Variants in PHLDB2 observed in about 807,000 individuals in gnomAD.
PHLDB2 encodes the protein pleckstrin homology-like domain family B member 2.
PHLDB2 carries 71 observed loss-of-function variants against 123.6 expected under a neutral mutation model. The observed-to-expected ratio is 0.57, with a 90% CI of 0.47 to 0.70. The LOEUF is 0.70. Ranked by LOEUF, PHLDB2 falls within the 30% of genes least tolerant of loss-of-function variation. PHLDB2 has a pLI of 0.00. For missense variants in PHLDB2, 1,446 were observed against 1,519.5 expected (o/e 0.95, Z 0.80); for synonymous variants, 547 against 541.6 (o/e 1.01, Z -0.14).
chr3:111,923,378 A>G (rs1370551170), intron 5 of PHLDB2, among the ~76,000 whole-genome samples: 1 of 151,654 alleles, frequency 6.6e-6, no homozygotes, highest in Non-Finnish European at 1.5e-5. Context: ...TTTTCCATCT[A>G]TTTCTCTTAC....
At chr3:111,732,539 G>A (rs1283549505) in exon 1 of PHLDB2, 1 of 1,300,744 alleles carries the variant, frequency 7.7e-7, no homozygotes. Flanking sequence ...GAAAGGAAAT[G>A]GAAAGGAACC....
chr3:111,789,611 A>C (rs2060829028), intron 1 of PHLDB2, among the ~76,000 whole-genome samples: 2 of 152,110 alleles, frequency 1.3e-5, no homozygotes, highest in Admixed American at 1.3e-4. Flanking sequence ...AAGTTATTTG[A>C]CTTTTCTGAA....
At chr3:111,929,019 T>C (rs2068960059) in intron 5 of PHLDB2, among the ~76,000 whole-genome samples, 1 of 152,200 alleles carries the variant, frequency 6.6e-6, no homozygotes, top group Non-Finnish European at 1.5e-5. Flanking sequence ...CCCAGCACTT[T>C]AGGAGGCCGA....
At chr3:111,830,614 C>T (rs1183310753) in intron 1 of PHLDB2, among the ~76,000 whole-genome samples, 1 of 149,216 alleles carries the variant, frequency 6.7e-6, no homozygotes, top group Non-Finnish European at 1.5e-5. Context: ...TCGAGACCAT[C>T]CCGGCTAAAA....
upstream of PHLDB2, among the ~76,000 whole-genome samples, chr3:111,856,667 A>C (rs2064523805): frequency 1.3e-5 from 2 of 152,172 alleles, no homozygotes; most frequent in Admixed American, 1.3e-4. Context: ...AGTCAAGTGT[A>C]TTTCTGGCAT....
chr3:111,735,882 T>C (rs1941671261), intron 1 of PHLDB2, among the ~76,000 whole-genome samples: 1 of 152,208 alleles, frequency 6.6e-6, no homozygotes, highest in African/African-American at 2.4e-5. Context: ...AGTTGGGATC[T>C]GAATCCAAAT....
intron 1 of PHLDB2, among the ~76,000 whole-genome samples, chr3:111,806,660 A>G (rs573410635): frequency 2.0e-5 from 3 of 151,776 alleles, no homozygotes; most frequent in African/African-American, 7.2e-5. Flanking sequence ...TAATTTTTGT[A>G]TTTTTAGTAG....
At chr3:111,945,462 C>A in intron 9 of PHLDB2, 105 bp downstream of exon 9, 1 of 860,690 alleles carries the variant, frequency 1.2e-6, no homozygotes, top group Non-Finnish European at 1.9e-6. Context: ...CTCAAAGGAC[C>A]TGTGAAAGCA....
intron 2 of PHLDB2, among the ~76,000 whole-genome samples, chr3:111,912,951 T>C (rs201039387): frequency 6.6e-6 from 1 of 152,302 alleles, no homozygotes; most frequent in East Asian, 1.9e-4. Flanking sequence ...ACTCCAGCCT[T>C]TGGGACAGAG....
intron 2 of PHLDB2, among the ~76,000 whole-genome samples, chr3:111,848,853 G>T (rs2064126489): frequency 6.6e-6 from 1 of 152,196 alleles, no homozygotes; most frequent in South Asian, 2.1e-4. Flanking sequence ...ATTCAGTACA[G>T]TAGCGTGCTA....
intron 1 of PHLDB2, among the ~76,000 whole-genome samples, chr3:111,879,373 T>C (rs2065823127): frequency 6.6e-6 from 1 of 152,232 alleles, no homozygotes; most frequent in African/African-American, 2.4e-5. Flanking sequence ...GAGAAACTTC[T>C]CTAGTAATGA....
At chr3:111,960,148 C>T in intron 12 of PHLDB2, 1 of 859,342 alleles carries the variant, frequency 1.2e-6, no homozygotes, top group African/African-American at 1.8e-5. Flanking sequence ...TTAAAAGGAG[C>T]AATTAGTAAT....
At chr3:111,782,414 T>G (rs977851121) in intron 1 of PHLDB2, among the ~76,000 whole-genome samples, 1 of 152,114 alleles carries the variant, frequency 6.6e-6, no homozygotes. Flanking sequence ...TGGCCTACCA[T>G]GAGCCCCTCA....
At chr3:111,807,717 C>A (rs1443798934) in intron 1 of PHLDB2, among the ~76,000 whole-genome samples, 1 of 151,814 alleles carries the variant, frequency 6.6e-6, no homozygotes, top group Non-Finnish European at 1.5e-5. Context: ...TATGATGGAC[C>A]CACTGCACTA....
rs1177604807 is a variant in PHLDB2 at position 111,812,977 on chromosome 3, T to G, written c.-48-32844T>G. ...CATTATCACATTGCTTTGTGACTGGTATTTAATAGCTATCCTTTCTCAGAC... is the reference window on the plus strand; with the variant it reads ...CATTATCACATTGCTTTGTGACTGGGATTTAATAGCTATCCTTTCTCAGAC... On this transcript the variant is annotated intron_variant, in intron 1 of 17. Transcript: ENST00000393923. 2.6e-5 allele frequency among the ~76,000 whole-genome samples: 4 copies of G among 152,174 alleles called. No individual in the cohort carries two copies. The East Asian group carries it at 7.7e-4, about 29-fold the overall frequency.
At chr3:111,873,636 T>A (rs2065455052) in intron 1 of PHLDB2, among the ~76,000 whole-genome samples, 1 of 152,226 alleles carries the variant, frequency 6.6e-6, no homozygotes, top group Non-Finnish European at 1.5e-5. Context: ...CTTAGTGACA[T>A]CTGCCCTGGC....
chr3:111,747,192 T>G (rs934924800), intron 1 of PHLDB2, among the ~76,000 whole-genome samples: 2 of 152,208 alleles, frequency 1.3e-5, no homozygotes, highest in Non-Finnish European at 2.9e-5. Flanking sequence ...ATTAAAAATA[T>G]GTAGCATAGC....
At chr3:111,937,693 T>G (rs1256429068) in intron 6 of PHLDB2, among the ~76,000 whole-genome samples, 5 of 151,816 alleles carry the variant, frequency 3.3e-5, no homozygotes, top group Non-Finnish European at 7.4e-5. Context: ...GGAAGATTGC[T>G]TGATCCTGGG....
At chr3:111,769,191 G>T (rs4682306) in intron 1 of PHLDB2, among the ~76,000 whole-genome samples, 131,691 of 152,162 alleles carry the variant, frequency 0.87, 57,883 homozygotes, top group East Asian at 1. Context: ...ATATTGTATG[G>T]GCAACACTAT....
Sources: gnomAD v4.1 joint callset for allele counts (sites outside exome capture counted in the v4.1 genomes callset) on GRCh38, gnomAD v4.1.1 for gene constraint, MANE v1.5 for transcripts, NCBI Gene and HGNC (gene_info 2026-07-23, HGNC 2026-07-21) for gene names.